Variants in SEMA5A observed in about 807,000 individuals in gnomAD.
The protein encoded by SEMA5A is semaphorin-5A.
In SEMA5A, 55 loss-of-function variants were observed where a neutral mutation model predicts 135.5. The observed-to-expected ratio is 0.41, with a 90% confidence interval of 0.33 to 0.51. The LOEUF is 0.51. Ranked by LOEUF, SEMA5A falls within the 20% of genes least tolerant of loss-of-function variation. The pLI, the probability that SEMA5A is intolerant of heterozygous loss-of-function variation, is 0.37. For missense variants in SEMA5A, 1,290 were observed against 1,419.9 expected, an observed-to-expected ratio of 0.91 and a Z score of 1.47; for synonymous variants, 580 against 546.5, an observed-to-expected ratio of 1.06 and a Z score of -0.85.
At chr5:9,171,609 T>C (rs1003767884) in intron 11 of SEMA5A, among the ~76,000 whole-genome samples, 1 of 152,166 alleles carries the variant, frequency 6.6e-6, no homozygotes, top group African/African-American at 2.4e-5. Flanking sequence ...GCAGATTTAT[T>C]TATGATCTAT....
At chr5:9,107,728 T>C (rs1032710254) in intron 16 of SEMA5A, among the ~76,000 whole-genome samples, 2 of 152,106 alleles carry the variant, frequency 1.3e-5, no homozygotes, top group African/African-American at 4.8e-5. Flanking sequence ...ATCTAGTGTG[T>C]GTAGAGAATC....
chr5:9,054,044 C>G, intron 19 of SEMA5A, 43 bp downstream of exon 19: 1 of 1,557,272 alleles, frequency 6.4e-7, no homozygotes, highest in Non-Finnish European at 8.7e-7. Context: ...AGGAAAGAGG[C>G]CAATTTGTCT....
intron 5 of SEMA5A, among the ~76,000 whole-genome samples, chr5:9,280,455 C>T (rs1421750969): frequency 6.6e-6 from 1 of 152,204 alleles, no homozygotes; most frequent in Non-Finnish European, 1.5e-5. Flanking sequence ...TCACACAGCC[C>T]TTGCAGAACC....
At chr5:9,092,407 T>C (rs191090440) in intron 16 of SEMA5A, among the ~76,000 whole-genome samples, 46 of 152,354 alleles carry the variant, frequency 3.0e-4, no homozygotes, top group African/African-American at 1.1e-3. Flanking sequence ...CTATAATAGT[T>C]GCATGTGCTC....
chr5:9,269,937 G>C (rs1465846399), intron 5 of SEMA5A, among the ~76,000 whole-genome samples: 4 of 152,088 alleles, frequency 2.6e-5, no homozygotes, highest in African/African-American at 9.7e-5. Context: ...TGTCATCCTA[G>C]AAGGGCCTGC....
intron 3 of SEMA5A, among the ~76,000 whole-genome samples, chr5:9,371,958 A>C (rs958012902): frequency 1.3e-5 from 2 of 152,228 alleles, no homozygotes; most frequent in African/African-American, 4.8e-5. Flanking sequence ...CTAAGTATTA[A>C]AATTAATGTC....
chr5:9,066,448 C>T lies in SEMA5A; in HGVS notation c.2272G>A (p.Asp758Asn), dbSNP rs139823470. ...QRIEMRYCSS[D>N]GTSGCSTDGL... The stretch of plus-strand genomic sequence containing the variant: ...TCTGTGGAGCAGCCACTGGTGCCGT[C>T]GCTAGAACAGTACCGCATTTCGATT... The change falls in exon 17 of 23, where the codon GAC (aspartate) becomes AAC (asparagine). Residue 758 changes from aspartate (D) to asparagine (N), a missense_variant. By Grantham distance (23) the Asp-to-Asn change is conservative. This residue lies in a region of SEMA5A where 1,029 missense variants were observed against 1,086.6 expected (regional missense o/e 0.95). Coordinates refer to ENST00000382496, the MANE Select transcript of SEMA5A (RefSeq NM_003966.3). 4 of 1,614,096 alleles carry T rather than the reference C, an allele frequency of 2.5e-6. No homozygotes were observed. The highest frequency in any genetic ancestry group is 3.4e-6 in the Non-Finnish European group (4 of 1,180,034).
intron 1 of SEMA5A, among the ~76,000 whole-genome samples, chr5:9,512,287 A>G (rs1736248489): frequency 1.3e-5 from 2 of 152,304 alleles, no homozygotes; most frequent in South Asian, 4.1e-4. Flanking sequence ...ATAATTTTGC[A>G]TTTCCTTTTT....
intron 5 of SEMA5A, among the ~76,000 whole-genome samples, chr5:9,256,870 T>C (rs1403465512): frequency 6.6e-6 from 1 of 152,246 alleles, no homozygotes; most frequent in African/African-American, 2.4e-5. Context: ...TTTAAGAGTA[T>C]AAGTTCAAGA....
At chr5:9,296,760 A>G (rs994680984) in intron 5 of SEMA5A, among the ~76,000 whole-genome samples, 5 of 152,078 alleles carry the variant, frequency 3.3e-5, no homozygotes, top group Admixed American at 2.0e-4. Context: ...TTTCTTTATG[A>G]AAAAATGTCT....
chr5:9,411,663 G>GTATCCCATCATGATTATAAAATATCA (rs1381841147), intron 2 of SEMA5A, among the ~76,000 whole-genome samples: 22 of 408 alleles, frequency 0.054, 9 homozygotes, highest in Non-Finnish European at 0.1. Context: ...ATTAATCTTG[G>GTATCCCATCATGATTATAAAATATCA]CCGGGCGCGG....
intron 21 of SEMA5A, among the ~76,000 whole-genome samples, chr5:9,050,198 G>T (rs1472766116): frequency 6.6e-6 from 1 of 152,054 alleles, no homozygotes; most frequent in Non-Finnish European, 1.5e-5. Context: ...CCTGGACGTG[G>T]GTCTACGCAC....
intron 11 of SEMA5A, among the ~76,000 whole-genome samples, chr5:9,170,261 T>C (rs990291565): frequency 3.3e-5 from 5 of 152,116 alleles, no homozygotes; most frequent in African/African-American, 1.2e-4. Flanking sequence ...AAATGTGGAA[T>C]GAAAAATACA....
At chr5:9,416,245 A>G (rs1757279155) in intron 2 of SEMA5A, among the ~76,000 whole-genome samples, 1 of 152,326 alleles carries the variant, frequency 6.6e-6, no homozygotes, top group African/African-American at 2.4e-5. Context: ...CCTAAAACTC[A>G]TTAGTACATA....
intron 5 of SEMA5A, among the ~76,000 whole-genome samples, chr5:9,288,946 A>G (rs2150580043): frequency 6.6e-6 from 1 of 152,344 alleles, no homozygotes; most frequent in Non-Finnish European, 1.5e-5. Flanking sequence ...TCCCAAAATG[A>G]TTTTTAAATT....
chr5:9,173,001 T>C (rs1034960134), intron 11 of SEMA5A, among the ~76,000 whole-genome samples: 1 of 152,196 alleles, frequency 6.6e-6, no homozygotes, highest in Non-Finnish European at 1.5e-5. Flanking sequence ...ATCCAGAATC[T>C]GGTGATAAGT....
chr5:9,336,343 C>T (rs1024814900), intron 4 of SEMA5A, among the ~76,000 whole-genome samples: 1 of 152,148 alleles, frequency 6.6e-6, no homozygotes, highest in Non-Finnish European at 1.5e-5. Context: ...CAGCTTATAT[C>T]CAATGGGAGC....
At chr5:9,506,438 C>T (rs1395446489) in intron 1 of SEMA5A, among the ~76,000 whole-genome samples, 1 of 152,158 alleles carries the variant, frequency 6.6e-6, no homozygotes, top group Non-Finnish European at 1.5e-5. Context: ...CTGCAAGTAA[C>T]TATCCAGACA....
At chr5:9,346,773 G>C (rs1257059568) in intron 3 of SEMA5A, among the ~76,000 whole-genome samples, 1 of 152,166 alleles carries the variant, frequency 6.6e-6, no homozygotes, top group Non-Finnish European at 1.5e-5. Context: ...GAGAGCTGAG[G>C]GCTGAGTAAA....
Sources: gnomAD v4.1 joint callset for allele counts (sites outside exome capture counted in the v4.1 genomes callset) on GRCh38, gnomAD v4.1.1 for gene constraint, gnomAD v4.1.1 regional missense constraint, MANE v1.5 for transcripts, NCBI Gene and HGNC (gene_info 2026-07-23, HGNC 2026-07-21) for gene names.